The following FGGY variants were observed in gnomAD, a reference collection of about 807,000 sequenced individuals.
FGGY encodes the protein FGGY carbohydrate kinase domain-containing protein.
A neutral mutation model predicts 71.3 loss-of-function variants in FGGY; 72 were observed. The observed-to-expected ratio is 1.01, with a 90% CI of 0.84 to 1.23. FGGY has a LOEUF of 1.23. Among genes scored for constraint, FGGY ranks in the 50% most tolerant of loss-of-function variants. The probability of loss-of-function intolerance (pLI) is 0.00; values close to 1 mark genes in which losing one functional copy is unlikely to be tolerated. For synonymous variants in FGGY, 251 were observed against 250.3 expected, an observed-to-expected ratio of 1.00 and a Z score of -0.02; for missense variants, 668 against 682.3, an observed-to-expected ratio of 0.98 and a Z score of 0.23.
chr1:59,587,560 C>A (rs2096328138), intron 8 of FGGY, among the ~76,000 whole-genome samples: 1 of 152,208 alleles, frequency 6.6e-6, no homozygotes, highest in African/African-American at 2.4e-5. Context: ...TAGGGGCAGA[C>A]TGACACCTCA....
chr1:59,425,859 G>C (rs913791581), intron 5 of FGGY, among the ~76,000 whole-genome samples: 12 of 151,950 alleles, frequency 7.9e-5, no homozygotes, highest in Non-Finnish European at 1.8e-4. Context: ...CTTACCCTGT[G>C]GTGGTATTGG....
intron 10 of FGGY, 77 bp from the exon 11 acceptor site, chr1:59,638,132 TTCCTGGATCTGGAAGTACA>T: frequency 7.8e-7 from 1 of 1,283,588 alleles, no homozygotes; most frequent in Non-Finnish European, 1.1e-6. Context: ...CCTGCTTACT[TTCCTGGATCTGGAAGTACA>T]AATGGTTTCT....
intron 5 of FGGY, among the ~76,000 whole-genome samples, chr1:59,416,494 A>T (rs150940708): frequency 6.6e-6 from 1 of 152,234 alleles, no homozygotes; most frequent in Non-Finnish European, 1.5e-5. Context: ...TACATATACT[A>T]TATTAAATCA....
intron 8 of FGGY, among the ~76,000 whole-genome samples, chr1:59,600,574 C>T (rs2096567336): frequency 6.6e-6 from 1 of 152,198 alleles, no homozygotes; most frequent in Non-Finnish European, 1.5e-5. Flanking sequence ...GCTGGACCTG[C>T]ACCCAGCTCT....
intron 6 of FGGY, among the ~76,000 whole-genome samples, chr1:59,496,590 C>T (rs2094039963): frequency 6.6e-6 from 1 of 152,048 alleles, no homozygotes; most frequent in Non-Finnish European, 1.5e-5. Context: ...TGCTTATCAG[C>T]TGGGTGATGA....
intron 6 of FGGY, among the ~76,000 whole-genome samples, chr1:59,487,748 A>C (rs1209616843): frequency 1.3e-5 from 2 of 151,962 alleles, no homozygotes; most frequent in Non-Finnish European, 2.9e-5. Context: ...ACCTTAACTC[A>C]TCACCTCCTT....
At chr1:59,672,329 C>A (rs2097387188) in intron 13 of FGGY, among the ~76,000 whole-genome samples, 1 of 152,242 alleles carries the variant, frequency 6.6e-6, no homozygotes, top group African/African-American at 2.4e-5. Context: ...TTCTCCAGGG[C>A]TTACTGTAGG....
intron 5 of FGGY, among the ~76,000 whole-genome samples, chr1:59,451,410 G>A (rs1572308683): frequency 6.8e-6 from 1 of 147,780 alleles, no homozygotes; most frequent in South Asian, 2.1e-4. Flanking sequence ...CAAGCCTATT[G>A]TATTTTAAGA....
chr1:59,644,662 A>G (rs2153903935), intron 11 of FGGY, among the ~76,000 whole-genome samples: 1 of 152,224 alleles, frequency 6.6e-6, no homozygotes, highest in Non-Finnish European at 1.5e-5. Flanking sequence ...AAGTAAGAAA[A>G]TGACATGGTC....
intron 4 of FGGY, among the ~76,000 whole-genome samples, chr1:59,352,749 ACTTGAGAGGCTGGACGAAG>A (rs1171971379): frequency 1.3e-5 from 2 of 152,174 alleles, no homozygotes; most frequent in Non-Finnish European, 2.9e-5. Context: ...TCTTTCTGTA[ACTTGAGAGGCTGGACGAAG>A]CTAATTTTTA....
At chr1:59,597,867 A>G (rs184426289) in intron 8 of FGGY, among the ~76,000 whole-genome samples, 7 of 152,350 alleles carry the variant, frequency 4.6e-5, no homozygotes, top group Admixed American at 4.6e-4. Flanking sequence ...GCCGTATTAG[A>G]GAACTAATTC....
At chr1:59,642,358 G>A (rs1169518980) in intron 11 of FGGY, among the ~76,000 whole-genome samples, 1 of 152,212 alleles carries the variant, frequency 6.6e-6, no homozygotes, top group Admixed American at 6.5e-5. Context: ...TGTGTGCGGT[G>A]GCTCACGCCT....
At chr1:59,484,117 C>T (rs1489055159) in intron 6 of FGGY, among the ~76,000 whole-genome samples, 7 of 152,134 alleles carry the variant, frequency 4.6e-5, no homozygotes, top group African/African-American at 1.4e-4. Context: ...TTGAAGCTCA[C>T]AGAGGGTAGA....
chr1:59,391,582 C>T (rs1448966360), intron 5 of FGGY, among the ~76,000 whole-genome samples: 1 of 152,116 alleles, frequency 6.6e-6, no homozygotes, highest in African/African-American at 2.4e-5. Flanking sequence ...CCATCTTTGT[C>T]CTTTGGAGGA....
At chr1:59,707,405 G>A (rs1177234798) in intron 14 of FGGY, among the ~76,000 whole-genome samples, 1 of 152,210 alleles carries the variant, frequency 6.6e-6, no homozygotes. Flanking sequence ...AGGAGGAGGG[G>A]GAGAGAGGGA....
At chr1:59,522,596 T>A (rs545639337) in intron 7 of FGGY, among the ~76,000 whole-genome samples, 117 of 152,336 alleles carry the variant, frequency 7.7e-4, no homozygotes, top group Non-Finnish European at 1.5e-3. Context: ...ACGTTAATTT[T>A]GTTTACTAAA....
At chr1:59,373,102 A>G (rs959151765) in intron 4 of FGGY, among the ~76,000 whole-genome samples, 1 of 152,242 alleles carries the variant, frequency 6.6e-6, no homozygotes, top group East Asian at 1.9e-4. Flanking sequence ...TTCAATTAGG[A>G]AAAGAGGAAG....
At chr1:59,558,595 G>A (rs1415105308) in intron 8 of FGGY, among the ~76,000 whole-genome samples, 2 of 152,128 alleles carry the variant, frequency 1.3e-5, no homozygotes, top group East Asian at 3.9e-4. Context: ...AACAGTACAA[G>A]GGCAAATTCA....
chr1:59,468,708 T>C (rs2092777298), intron 6 of FGGY, among the ~76,000 whole-genome samples: 1 of 151,648 alleles, frequency 6.6e-6, no homozygotes, highest in Non-Finnish European at 1.5e-5. Flanking sequence ...CTGTCTTTAT[T>C]AAAAATACAA....
Sources: allele counts gnomAD v4.1 joint callset (sites outside exome capture counted in the v4.1 genomes callset), GRCh38; gene constraint gnomAD v4.1.1; transcripts MANE v1.5; gene names NCBI Gene and HGNC (gene_info 2026-07-23, HGNC 2026-07-21).